KCNN3: variants seen among roughly 807,000 people sequenced by gnomAD.
KCNN3 encodes the protein potassium calcium-activated channel subfamily N member 3.
Under a neutral mutation model 62.9 loss-of-function variants are expected in KCNN3, and 16 were observed. The observed-to-expected ratio is 0.25, with a 90% CI of 0.17 to 0.39. KCNN3 has a LOEUF of 0.39. KCNN3 is among the 10% of genes least tolerant of loss of function. The pLI, the probability that KCNN3 is intolerant of heterozygous loss-of-function variation, is 1.00. For missense variants in KCNN3, 599 were observed against 949.4 expected (o/e 0.63, Z 4.85); for synonymous variants, 370 against 389.2 (o/e 0.95, Z 0.58).
chr1:154,739,793 G>A (rs530123491), intron 3 of KCNN3, among the ~76,000 whole-genome samples: 33 of 152,336 alleles, frequency 2.2e-4, no homozygotes, highest in African/African-American at 4.8e-4. Flanking sequence ...AGGCCATGTC[G>A]GGAGGCAAGC....
At chr1:154,849,984 G>T (rs999410809) in intron 1 of KCNN3, among the ~76,000 whole-genome samples, 3 of 152,212 alleles carry the variant, frequency 2.0e-5, no homozygotes, top group Non-Finnish European at 4.4e-5. Context: ...GGCACAGTTA[G>T]ATCCCAGGTC....
chr1:154,836,063 G>A (rs1220720963), intron 1 of KCNN3, among the ~76,000 whole-genome samples: 1 of 152,194 alleles, frequency 6.6e-6, no homozygotes, highest in Non-Finnish European at 1.5e-5. Flanking sequence ...GGCACCTGAC[G>A]CATGTCTGCC....
intron 1 of KCNN3, among the ~76,000 whole-genome samples, chr1:154,857,340 C>G (rs1200817976): frequency 6.6e-6 from 1 of 152,206 alleles, no homozygotes; most frequent in Non-Finnish European, 1.5e-5. Context: ...CCAGGGCCCA[C>G]AGGAGACTTT....
At chr1:154,816,924 T>C (rs74115886) in intron 2 of KCNN3, among the ~76,000 whole-genome samples, 12,447 of 152,158 alleles carry the variant, frequency 0.082, 1,685 homozygotes, top group African/African-American at 0.28. Context: ...CATAGTGAAC[T>C]TGCCCCTCTA....
At chr1:154,714,056 GTGTGTGTGTGGTGTT>G (rs1296716931) in intron 6 of KCNN3, among the ~76,000 whole-genome samples, 121 of 15,298 alleles carry the variant, frequency 7.9e-3, no homozygotes, top group African/African-American at 0.011. Flanking sequence ...TGCGGGGTGT[GTGTGTGTGTGGTGTT>G]TGTGTGTGGT....
chr1:154,709,621 G>T (rs1036758473), intron 7 of KCNN3, among the ~76,000 whole-genome samples: 2 of 152,196 alleles, frequency 1.3e-5, no homozygotes, highest in African/African-American at 4.8e-5. Context: ...GAAATTCACT[G>T]GGGCAGCATA....
At chr1:154,848,142 C>T (rs930858101) in intron 1 of KCNN3, among the ~76,000 whole-genome samples, 5 of 152,180 alleles carry the variant, frequency 3.3e-5, no homozygotes, top group African/African-American at 4.8e-5. Flanking sequence ...GTGTGGGCAC[C>T]GTGCCATCCT....
intron 1 of KCNN3, among the ~76,000 whole-genome samples, chr1:154,865,519 T>C (rs1042970946): frequency 1.3e-5 from 2 of 152,192 alleles, no homozygotes; most frequent in African/African-American, 4.8e-5. Context: ...CCCACCTCCC[T>C]GCTCCAGGCT....
intron 1 of KCNN3, among the ~76,000 whole-genome samples, chr1:154,848,665 C>G (rs1652181966): frequency 6.6e-6 from 1 of 152,190 alleles, no homozygotes; most frequent in Non-Finnish European, 1.5e-5. Context: ...ACAGGGCACT[C>G]TCCAACTTTG....
intron 2 of KCNN3, among the ~76,000 whole-genome samples, chr1:154,781,722 C>A (rs1242945768): frequency 6.6e-6 from 1 of 152,200 alleles, no homozygotes; most frequent in African/African-American, 2.4e-5. Context: ...TTGCCCCGAT[C>A]AGCTTATTCA....
At position 154,732,905 on chromosome 1, in the gene KCNN3, C is replaced by G. The variant is rs574115499; in HGVS notation, c.1590+98G>C. On this transcript the variant is annotated intron_variant, in intron 4 of 7. Transcript: ENST00000271915. ...AGGTCGGTTAACTAACAGCCACCCC[C>G]CGCTCTGCGGCTAGGAAGGCCCCTA... is the stretch of plus-strand genomic sequence containing the variant. The G allele has an allele frequency of 5.0e-5, 70 of 1,386,150 alleles. 1 individual carries two copies. The South Asian group carries it at 7.8e-4, about 15-fold the overall frequency. The allele number at this position is 1,386,150 out of a possible 1,614,324, so 85.9% of individuals were successfully genotyped here.
chr1:154,841,812 G>A (rs958484351), intron 1 of KCNN3, among the ~76,000 whole-genome samples: 1 of 152,254 alleles, frequency 6.6e-6, no homozygotes, highest in African/African-American at 2.4e-5. Context: ...GCTGGGGAGA[G>A]CGGGCTGAGT....
At chr1:154,803,595 C>T (rs1274653937) in intron 2 of KCNN3, among the ~76,000 whole-genome samples, 2 of 152,340 alleles carry the variant, frequency 1.3e-5, no homozygotes, top group South Asian at 2.1e-4. Flanking sequence ...GCATCCTTCA[C>T]GTGGCATATT....
At chr1:154,718,786 C>A (rs1298362170) in intron 5 of KCNN3, among the ~76,000 whole-genome samples, 2 of 152,200 alleles carry the variant, frequency 1.3e-5, no homozygotes, top group African/African-American at 4.8e-5. Flanking sequence ...GTACTACCTG[C>A]ATCTGTGAAA....
intron 2 of KCNN3, among the ~76,000 whole-genome samples, chr1:154,796,104 C>T (rs1649725270): frequency 6.6e-6 from 1 of 152,202 alleles, no homozygotes; most frequent in South Asian, 2.1e-4. Flanking sequence ...CCCTAACAGT[C>T]CACATAAGAC....
At chr1:154,789,220 A>G (rs992775470) in intron 2 of KCNN3, among the ~76,000 whole-genome samples, 1 of 151,942 alleles carries the variant, frequency 6.6e-6, no homozygotes, top group Admixed American at 6.6e-5. Context: ...CTGCTTCACC[A>G]TCACTCGTCC....
At chr1:154,734,641 G>A (rs1700671361) in intron 3 of KCNN3, among the ~76,000 whole-genome samples, 1 of 152,100 alleles carries the variant, frequency 6.6e-6, no homozygotes, top group Non-Finnish European at 1.5e-5. Flanking sequence ...AGATGGGCCT[G>A]GAAGGAGACA....
intron 2 of KCNN3, among the ~76,000 whole-genome samples, chr1:154,793,642 C>T (rs1190636466): frequency 2.6e-5 from 4 of 152,188 alleles, no homozygotes; most frequent in African/African-American, 9.7e-5. Flanking sequence ...ATTCACTATG[C>T]TGGGGACTGT....
chr1:154,822,390 C>T (rs951238585), intron 1 of KCNN3, among the ~76,000 whole-genome samples: 2 of 152,164 alleles, frequency 1.3e-5, no homozygotes, highest in South Asian at 2.1e-4. Flanking sequence ...GCAGCTGCCC[C>T]CTTTGAGCCT....
Sources: gnomAD v4.1 joint callset for allele counts (sites outside exome capture counted in the v4.1 genomes callset) on GRCh38, gnomAD v4.1.1 for gene constraint, MANE v1.5 for transcripts, NCBI Gene and HGNC (gene_info 2026-07-23, HGNC 2026-07-21) for gene names.